PEX5L: variants seen among roughly 807,000 people sequenced by gnomAD.
PEX5L encodes PEX5-related protein.
In PEX5L, 30 loss-of-function variants were observed where a neutral mutation model predicts 84.0. That is an observed-to-expected ratio of 0.36 (90% confidence interval 0.27 to 0.48). PEX5L has a LOEUF of 0.48. Among genes scored for constraint, PEX5L ranks in the 20% least tolerant of loss-of-function variants. The pLI is 0.99. For synonymous variants in PEX5L, 270 were observed against 283.1 expected (o/e 0.95, Z 0.46); for missense variants, 533 against 754.6 (o/e 0.71, Z 3.44).
At chr3:179,982,635 ATC>A (rs1009725544) in intron 1 of PEX5L, among the ~76,000 whole-genome samples, 4 of 152,294 alleles carry the variant, frequency 2.6e-5, no homozygotes, top group Admixed American at 6.5e-5. Flanking sequence ...TCTTCTTGCA[ATC>A]TCTGATTAAT....
intron 14 of PEX5L, among the ~76,000 whole-genome samples, chr3:179,805,096 G>A (rs1443406365): frequency 6.6e-6 from 1 of 150,608 alleles, no homozygotes; most frequent in Admixed American, 6.6e-5. Context: ...TCCAGCCTGG[G>A]TGACAGAAGC....
intron 2 of PEX5L, among the ~76,000 whole-genome samples, chr3:179,934,696 T>C (rs1294214578): frequency 2.6e-5 from 4 of 152,176 alleles, no homozygotes; most frequent in African/African-American, 9.6e-5. Context: ...CTAATATCAA[T>C]TTGTATTCCC....
intron 1 of PEX5L, among the ~76,000 whole-genome samples, chr3:180,001,370 GAT>G (rs1267132730): frequency 2.7e-4 from 40 of 147,206 alleles, no homozygotes; most frequent in Middle Eastern, 3.6e-3. Flanking sequence ...ATATATAGAA[GAT>G]ATATATATAT....
chr3:179,980,368 A>G (rs1485095598), intron 1 of PEX5L, among the ~76,000 whole-genome samples: 1 of 152,160 alleles, frequency 6.6e-6, no homozygotes, highest in East Asian at 1.9e-4. Flanking sequence ...ATCTTAGAAT[A>G]AATCTTTCCT....
intron 2 of PEX5L, among the ~76,000 whole-genome samples, chr3:179,953,015 T>A (rs1779522143): frequency 6.6e-6 from 1 of 152,128 alleles, no homozygotes; most frequent in Non-Finnish European, 1.5e-5. Flanking sequence ...GATTCCCTAT[T>A]TAATAAATGG....
At chr3:179,962,887 C>G (rs1050475298) in intron 2 of PEX5L, among the ~76,000 whole-genome samples, 2 of 152,192 alleles carry the variant, frequency 1.3e-5, no homozygotes, top group Non-Finnish European at 2.9e-5. Context: ...ACTGACTAAA[C>G]ATTGTGCCAG....
chr3:180,030,434 T>C (rs1419280078), intron 1 of PEX5L, among the ~76,000 whole-genome samples: 1 of 152,196 alleles, frequency 6.6e-6, no homozygotes, highest in Non-Finnish European at 1.5e-5. Flanking sequence ...TTAACACCAG[T>C]TTTAACCCTC....
At chr3:180,024,118 TG>T (rs1439552297) in intron 1 of PEX5L, among the ~76,000 whole-genome samples, 1 of 151,978 alleles carries the variant, frequency 6.6e-6, no homozygotes, top group Admixed American at 6.6e-5. Context: ...AGGTAGTACA[TG>T]TCACTGGCAC....
chr3:179,810,435 A>G (rs1473148325), intron 11 of PEX5L, among the ~76,000 whole-genome samples: 1 of 152,144 alleles, frequency 6.6e-6, no homozygotes, highest in Non-Finnish European at 1.5e-5. Context: ...AGAACTACTG[A>G]TGTGGGTTTA....
At chr3:179,805,681 G>T (rs1303856648) in intron 14 of PEX5L, among the ~76,000 whole-genome samples, 2 of 152,078 alleles carry the variant, frequency 1.3e-5, no homozygotes, top group Non-Finnish European at 2.9e-5. Context: ...AAACTTATTT[G>T]TTGTTTATCT....
rs569932480 is a variant in PEX5L, at chr3:179,805,363, T to C, written c.1676+2311A>G. The stretch of plus-strand genomic sequence containing the variant: ...AACATCCCTTGGTATCCGTGGGGGA[T>C]TGGTTTCATGAACCCCTGAGAATAC... On this transcript the variant is annotated intron_variant, in intron 14 of 14. Coordinates refer to ENST00000467460, the MANE Select transcript of PEX5L (RefSeq NM_016559.3). 4.6e-5 allele frequency among the ~76,000 whole-genome samples: 7 copies of C among 152,212 alleles called. No homozygotes were observed. The East Asian group carries it at 9.6e-4, about 21-fold the overall frequency.
At chr3:179,942,457 C>T (rs565842692) in intron 2 of PEX5L, among the ~76,000 whole-genome samples, 1 of 152,362 alleles carries the variant, frequency 6.6e-6, no homozygotes, top group Non-Finnish European at 1.5e-5. Flanking sequence ...CCTGTGACCG[C>T]GCCCGCTGCG....
intron 1 of PEX5L, among the ~76,000 whole-genome samples, chr3:180,002,506 G>T (rs1788516675): frequency 6.6e-6 from 1 of 151,916 alleles, no homozygotes. Context: ...TCATTTGAAG[G>T]TTCTCTCCTA....
chr3:179,967,934 A>C (rs1373240939), intron 2 of PEX5L, among the ~76,000 whole-genome samples: 1 of 152,172 alleles, frequency 6.6e-6, no homozygotes, highest in Non-Finnish European at 1.5e-5. Context: ...GGGATGCTGA[A>C]ACAGCTAAAG....
intron 5 of PEX5L, among the ~76,000 whole-genome samples, chr3:179,878,518 C>T (rs1753178166): frequency 6.6e-6 from 1 of 152,188 alleles, no homozygotes; most frequent in Non-Finnish European, 1.5e-5. Context: ...CTTTTTCTCT[C>T]ACTATTCTAC....
chr3:179,866,347 G>A (rs1219325205), intron 7 of PEX5L, among the ~76,000 whole-genome samples: 3 of 152,088 alleles, frequency 2.0e-5, no homozygotes, highest in Admixed American at 6.6e-5. Context: ...AGAATAACAC[G>A]GTCATTGAAA....
rs1341520597 is a variant in PEX5L, at chr3:179,796,160, C to G, written c.*5668G>C. Reference sequence around the variant, plus strand: ...TTTTGTGTTATACCATTTCCCTTTCCAAGAAATCCAAAGAACACGACCCCT... The same window carrying G: ...TTTTGTGTTATACCATTTCCCTTTCGAAGAAATCCAAAGAACACGACCCCT... On this transcript the variant is annotated 3_prime_UTR_variant, in exon 15 of 15. Transcript: ENST00000467460. The G allele has an allele frequency of 6.6e-6, 1 of 152,012 alleles. No homozygotes were observed. The highest frequency in any genetic ancestry group is 6.6e-5 in the Admixed American group (1 of 15,262). The allele number at this position is 152,012 out of a possible 1,614,324, so 9.4% of individuals were successfully genotyped here. A position where few individuals can be genotyped will look rare whatever the true frequency, so the allele number is the denominator to read the frequency against.
At chr3:179,912,988 G>A (rs1765705556) in intron 2 of PEX5L, among the ~76,000 whole-genome samples, 1 of 152,012 alleles carries the variant, frequency 6.6e-6, no homozygotes, top group Non-Finnish European at 1.5e-5. Context: ...GAAAAAATTA[G>A]GTTTAGCATA....
rs542894694 is a variant in PEX5L at position 180,004,877 on chromosome 3, A to C, written c.21+31702T>G. On this transcript the variant is annotated intron_variant, in intron 1 of 14. Transcript: ENST00000467460. Reference sequence around the variant, plus strand: ...AGAATTTGAATAAAAGAAATGTGAAATGCATACTAGAATTAGTTAAAAATT... The same window carrying C: ...AGAATTTGAATAAAAGAAATGTGAACTGCATACTAGAATTAGTTAAAAATT... Among the ~76,000 whole-genome samples the C allele has an allele frequency of 8.5e-5, 13 of 152,194 alleles. No homozygotes were observed. The South Asian group carries it at 2.7e-3, about 32-fold the overall frequency.
Sources: gnomAD v4.1 joint callset for allele counts (sites outside exome capture counted in the v4.1 genomes callset) on GRCh38, gnomAD v4.1.1 for gene constraint, MANE v1.5 for transcripts, NCBI Gene and HGNC (gene_info 2026-07-23, HGNC 2026-07-21) for gene names.